The following PIK3R1 variants were observed in gnomAD, a reference collection of about 807,000 sequenced individuals.
The protein encoded by PIK3R1 is phosphoinositide-3-kinase regulatory subunit 1, also known as phosphatidylinositol 3-kinase regulatory subunit alpha.
A neutral mutation model predicts 98.0 loss-of-function variants in PIK3R1; 29 were observed. The ratio of observed to expected loss-of-function variants is 0.30; its 90% CI spans 0.22 to 0.40. The LOEUF (loss-of-function observed/expected upper bound fraction) is 0.40, where lower values mean the gene tolerates loss of function less well. PIK3R1 is among the 10% of genes least tolerant of loss of function. The pLI is 1.00. For missense variants in PIK3R1, 596 were observed against 872.7 expected (o/e 0.68, Z 3.99); for synonymous variants, 282 against 311.8 (o/e 0.90, Z 1.01).
intron 2 of PIK3R1, among the ~76,000 whole-genome samples, chr5:68,237,610 A>C (rs1744711121): frequency 6.6e-6 from 1 of 151,730 alleles, no homozygotes; most frequent in Non-Finnish European, 1.5e-5. Context: ...AAAAAAAAAA[A>C]ACTTTAAATG....
At chr5:68,295,970 T>C (rs1353938011) in intron 14 of PIK3R1, among the ~76,000 whole-genome samples, 1 of 152,134 alleles carries the variant, frequency 6.6e-6, no homozygotes, top group East Asian at 1.9e-4. Flanking sequence ...TTGGTAACTC[T>C]TTGTCCTGGG....
At position 68,279,653 on chromosome 5, in the gene PIK3R1, C is replaced by A. The variant is rs1264292969; in HGVS notation, c.554C>A (p.Ala185Asp). The change falls in exon 5 of 16, where the codon GCT becomes GAT. Residue 185 changes from alanine to aspartate, a missense_variant. Physicochemically the swap from Ala to Asp is moderately radical, Grantham distance 126 (BLOSUM62 -2). Transcript: ENST00000521381. ...EMIDVHVLAD[A>D]FKRYLLDLPN... ...ATCGATGTGCACGTTTTGGCTGACG[C>A]TTTCAAACGCTATCTCCTGGACTTA... The A allele has an allele frequency of 1.2e-6, 2 of 1,613,980 alleles. No individual in the cohort carries two copies. Among genetic ancestry groups the A allele is most frequent in the Non-Finnish European group, 1.7e-6 (2 of 1,179,832 alleles).
At chr5:68,265,034 C>G (rs1298035174) in intron 2 of PIK3R1, among the ~76,000 whole-genome samples, 3 of 152,166 alleles carry the variant, frequency 2.0e-5, no homozygotes, top group Non-Finnish European at 4.4e-5. Context: ...CTGTCTCCCA[C>G]AATGGTCTGG....
chr5:68,242,116 C>T (rs370431040), intron 2 of PIK3R1, among the ~76,000 whole-genome samples: 4 of 152,168 alleles, frequency 2.6e-5, no homozygotes, highest in Non-Finnish European at 5.9e-5. Context: ...TCCATTTAGG[C>T]AAAAGTGTTG....
At chr5:68,273,635 C>T in intron 3 of PIK3R1, 153 bp downstream of exon 3, 1 of 677,480 alleles carries the variant, frequency 1.5e-6, no homozygotes, top group South Asian at 1.8e-5. Context: ...GGGCTAAGTA[C>T]TGGGAAAAAT....
intron 4 of PIK3R1, among the ~76,000 whole-genome samples, chr5:68,279,282 C>G (rs1394086401): frequency 6.6e-6 from 1 of 152,128 alleles, no homozygotes. Flanking sequence ...CCCAATTCAG[C>G]CCATAACAAA....
Position 68,299,681 on chromosome 5 carries a change from A to C in PIK3R1, c.*2080A>C, listed in dbSNP as rs17253369. 3,989 of 233,190 alleles carry C rather than the reference A, an allele frequency of 0.017. 53 individuals carry two copies. Among genetic ancestry groups the C allele is most frequent in the Non-Finnish European group, 0.026 (3,017 of 118,002 alleles). The allele number at this position is 233,190 out of a possible 1,614,324, so 14.4% of individuals were successfully genotyped here. A position where few individuals can be genotyped will look rare whatever the true frequency, so the allele number is the denominator to read the frequency against. On this transcript the variant is annotated 3_prime_UTR_variant, in exon 16 of 16. Transcript: ENST00000521381. ...ACAGCTATATTTCTGTTTAAGTACTAGGGTGAGGGTTTTCTGTTACTTTGT... is the reference window on the plus strand; with the variant it reads ...ACAGCTATATTTCTGTTTAAGTACTCGGGTGAGGGTTTTCTGTTACTTTGT...
intron 7 of PIK3R1, among the ~76,000 whole-genome samples, chr5:68,283,649 A>C (rs2112206751): frequency 6.6e-6 from 1 of 152,368 alleles, no homozygotes; most frequent in Middle Eastern, 3.4e-3. Context: ...TGATAGTATC[A>C]CAAAAAACAT....
At position 68,289,759 on chromosome 5, in the gene PIK3R1, C is replaced by CAAAAAAAAAAAAAAAA. The variant is rs71305021; in HGVS notation, c.917-2488_917-2473dup. ...GGCATTTGAGATAGAGGGGGAAAAGCAAAAAAAAAAAAAAAAAAAAAAAAA... is the reference window on the plus strand; with the variant it reads ...GGCATTTGAGATAGAGGGGGAAAAGCAAAAAAAAAAAAAAAAAAAAAAAAAAAAAAAAAAAAAAAAA... On this transcript the variant is annotated intron_variant, in intron 7 of 15. Transcript: ENST00000521381. 3.9e-5 allele frequency among the ~76,000 whole-genome samples: 2 copies of CAAAAAAAAAAAAAAAA among 51,880 alleles called. 1 individual carries two copies. The highest frequency in any genetic ancestry group is 7.6e-5 in the Non-Finnish European group (2 of 26,486). The allele number at this position is 51,880 out of a possible 152,430, so 34.0% of individuals were successfully genotyped here.
rs1747937136 is a variant in PIK3R1, at chr5:68,299,770, A to G, written c.*2169A>G. The G allele has an allele frequency of 4.3e-6, 1 of 233,044 alleles. No homozygotes were observed. The highest frequency in any genetic ancestry group is 2.2e-5 in the African/African-American group (1 of 45,334). The allele number at this position is 233,044 out of a possible 1,614,324, so 14.4% of individuals were successfully genotyped here. A position where few individuals can be genotyped will look rare whatever the true frequency, so the allele number is the denominator to read the frequency against. On this transcript the variant is annotated 3_prime_UTR_variant, in exon 16 of 16. Coordinates refer to ENST00000521381, the MANE Select transcript of PIK3R1 (RefSeq NM_181523.3). ...GCTGAGTGAAAAATCTGTGGAATGT[A>G]TTATTTGTCCTCTTTACATGAAACT... is the stretch of plus-strand genomic sequence containing the variant.
intron 2 of PIK3R1, among the ~76,000 whole-genome samples, chr5:68,258,985 T>C (rs1420455623): frequency 6.6e-6 from 1 of 152,190 alleles, no homozygotes. Flanking sequence ...AGGAATATGA[T>C]ACTTTTTTTC....
At chr5:68,266,968 T>G (rs1243750921) in intron 2 of PIK3R1, among the ~76,000 whole-genome samples, 1 of 152,208 alleles carries the variant, frequency 6.6e-6, no homozygotes, top group Non-Finnish European at 1.5e-5. Flanking sequence ...TTTTTCTTTT[T>G]GGGGGCTTCT....
At position 68,216,730 on chromosome 5, in the gene PIK3R1, C is replaced by G. The variant is rs544595606; in HGVS notation, c.-387+781C>G. Reference sequence around the variant, plus strand: ...CTGGGGAGAGCCAGGGAGCCTGCAACCCGGAGCTAAAATATCGTGGGCAAT... The same window carrying G: ...CTGGGGAGAGCCAGGGAGCCTGCAAGCCGGAGCTAAAATATCGTGGGCAAT... On this transcript the variant is annotated intron_variant, in intron 1 of 15. Coordinates refer to ENST00000521381, the MANE Select transcript of PIK3R1 (RefSeq NM_181523.3). 5.6e-5 allele frequency among the ~76,000 whole-genome samples: 4 copies of G among 72,058 alleles called. No homozygotes were observed. The East Asian group carries it at 2.7e-3, about 49-fold the overall frequency. 47.3% of individuals were successfully genotyped at this position (72,058 alleles called of 152,430 possible).
At chr5:68,261,769 C>A (rs966467290) in intron 2 of PIK3R1, among the ~76,000 whole-genome samples, 11 of 152,180 alleles carry the variant, frequency 7.2e-5, no homozygotes, top group African/African-American at 2.7e-4. Context: ...GCCACAATTT[C>A]TAAGAAGCAT....
chr5:68,229,261 T>A (rs966463157), intron 2 of PIK3R1, among the ~76,000 whole-genome samples: 1 of 152,200 alleles, frequency 6.6e-6, no homozygotes, highest in Admixed American at 6.5e-5. Flanking sequence ...TGAATTCATA[T>A]GGAAAGTAGT....
intron 2 of PIK3R1, among the ~76,000 whole-genome samples, chr5:68,272,655 C>T (rs1024661647): frequency 2.0e-5 from 3 of 152,024 alleles, no homozygotes; most frequent in Non-Finnish European, 4.4e-5. Context: ...ATGGTTAAAA[C>T]GCATGCAAAA....
intron 2 of PIK3R1, among the ~76,000 whole-genome samples, chr5:68,242,145 A>C (rs1744893790): frequency 6.6e-6 from 1 of 152,260 alleles, no homozygotes; most frequent in African/African-American, 2.4e-5. Flanking sequence ...GAATAGTGTT[A>C]GTTTGAGAAT....
At chr5:68,248,727 A>G (rs546228454) in intron 2 of PIK3R1, among the ~76,000 whole-genome samples, 24 of 152,352 alleles carry the variant, frequency 1.6e-4, no homozygotes, top group Admixed American at 1.1e-3. Context: ...GAGGTCATAC[A>G]AGGGAAATTG....
intron 2 of PIK3R1, among the ~76,000 whole-genome samples, chr5:68,266,157 C>A (rs898398730): frequency 3.3e-5 from 5 of 152,224 alleles, no homozygotes; most frequent in African/African-American, 1.2e-4. Flanking sequence ...TCCTCTCCAT[C>A]CCCCTGCCCT....
Sources: allele counts gnomAD v4.1 joint callset (sites outside exome capture counted in the v4.1 genomes callset), GRCh38; gene constraint gnomAD v4.1.1; transcripts MANE v1.5; gene names NCBI Gene and HGNC (gene_info 2026-07-23, HGNC 2026-07-21).